Variants in PLB1 observed in about 807,000 individuals in gnomAD.
PLB1 encodes the protein phospholipase B1, membrane-associated.
A neutral mutation model predicts 227.4 loss-of-function variants in PLB1; 242 were observed. The observed-to-expected ratio is 1.06, with a 90% CI of 0.96 to 1.18. The LOEUF is 1.18. Ranked by LOEUF, PLB1 falls within the 50% of genes most tolerant of loss-of-function variation. The probability of loss-of-function intolerance (pLI) is 0.00; values close to 1 mark genes in which losing one functional copy is unlikely to be tolerated. For synonymous variants in PLB1, 757 were observed against 682.2 expected (o/e 1.11, Z -1.71); for missense variants, 1,858 against 1,816.3 (o/e 1.02, Z -0.42).
intron 23 of PLB1, among the ~76,000 whole-genome samples, chr2:28,581,843 C>A (rs531977832): frequency 7.5e-4 from 114 of 152,146 alleles, no homozygotes; most frequent in Middle Eastern, 6.8e-3. Flanking sequence ...CACCCATGGT[C>A]CCAGTTACTT....
In PLB1 at chr2:28,579,664, T is replaced by C. The variant is rs761007701; in HGVS notation, c.1523T>C (p.Leu508Pro). 1 of 1,613,502 alleles carries C rather than the reference T, an allele frequency of 6.2e-7. No homozygotes were observed. Among genetic ancestry groups the C allele is most frequent in the Admixed American group, 1.7e-5 (1 of 60,014 alleles). The change falls in exon 23 of 58, where the codon CTG becomes CCG. Residue 508 changes from leucine (L) to proline (P), a missense_variant. By Grantham distance (98) the Leu-to-Pro change is moderately conservative (BLOSUM62 -3). Coordinates refer to ENST00000327757, the MANE Select transcript of PLB1 (RefSeq NM_153021.5). Reference protein sequence around the residue: ...HFQEDWKIITLFIGGNDLCDF... With the variant: ...HFQEDWKIITPFIGGNDLCDF... ...CAGGAAGACTGGAAGATAATAACCC[T>C]GTTTATAGGCGGCAATGACCTCTGT...
chr2:28,562,540 C>CAAAAAAAAAAAAAAAAAAAAAAAAAA (rs60393903), intron 17 of PLB1, among the ~76,000 whole-genome samples: 5 of 42,606 alleles, frequency 1.2e-4, no homozygotes, highest in Admixed American at 3.5e-4. Flanking sequence ...GACTCTGTCT[C>CAAAAAAAAAAAAAAAAAAAAAAAAAA]AAAAAAAAAA....
At chr2:28,567,399 A>G (rs918803031) in intron 20 of PLB1, among the ~76,000 whole-genome samples, 1 of 151,426 alleles carries the variant, frequency 6.6e-6, no homozygotes, top group South Asian at 2.1e-4. Context: ...CTGTGCAGAC[A>G]CAGCCATTTT....
chr2:28,603,046 G>A (rs531689661), intron 39 of PLB1, 125 bp downstream of exon 39: 1 of 796,604 alleles, frequency 1.3e-6, no homozygotes, highest in South Asian at 1.7e-5. Flanking sequence ...CTGTAAAGGA[G>A]GACTTCTGCC....
intron 20 of PLB1, among the ~76,000 whole-genome samples, chr2:28,567,262 C>G (rs1573018720): frequency 6.6e-6 from 1 of 152,124 alleles, no homozygotes; most frequent in South Asian, 2.1e-4. Flanking sequence ...CAGCAGATCA[C>G]CCCCGCGAGA....
rs369874929 is a variant in PLB1 at position 28,603,954 on chromosome 2, C to A, written c.2775-12C>A. ...GAGCTCTGGGGCCTCCTGCCTCCCC[C>A]TCTTTGTGCAGCGTTTTGTGTAACT... On this transcript the variant is annotated splice_polypyrimidine_tract_variant and intron_variant, in intron 39 of 57. Coordinates refer to ENST00000327757, the MANE Select transcript of PLB1 (RefSeq NM_153021.5). 134 of 1,613,638 alleles carry A rather than the reference C, an allele frequency of 8.3e-5. No individual in the cohort carries two copies. The highest frequency in any genetic ancestry group is 1.7e-4 in the African/African-American group (13 of 74,934).
intron 6 of PLB1, among the ~76,000 whole-genome samples, chr2:28,528,794 A>G (rs1448381759): frequency 6.6e-6 from 1 of 152,054 alleles, no homozygotes; most frequent in Non-Finnish European, 1.5e-5. Flanking sequence ...TAGCTCCTTC[A>G]CTTCCAGAGG....
chr2:28,619,445 T>C (rs974264582), intron 46 of PLB1, among the ~76,000 whole-genome samples: 3 of 152,066 alleles, frequency 2.0e-5, no homozygotes, highest in Admixed American at 6.6e-5. Flanking sequence ...GCAGGATTCT[T>C]AAGGTAGGGG....
chr2:28,526,739 C>T (rs1670310915), intron 6 of PLB1, among the ~76,000 whole-genome samples: 1 of 152,166 alleles, frequency 6.6e-6, no homozygotes, highest in African/African-American at 2.4e-5. Context: ...TGAGCTGGTG[C>T]TCCATGGGAG....
intron 14 of PLB1, among the ~76,000 whole-genome samples, chr2:28,543,615 G>A (rs188767932): frequency 6.6e-6 from 1 of 152,330 alleles, no homozygotes; most frequent in East Asian, 1.9e-4. Flanking sequence ...TGTCCAGCCT[G>A]CCCTCACACT....
At chr2:28,510,219 A>C (rs770928577) in intron 1 of PLB1, among the ~76,000 whole-genome samples, 41 of 152,102 alleles carry the variant, frequency 2.7e-4, no homozygotes, top group Non-Finnish European at 5.0e-4. Context: ...TCCTCACGCA[A>C]CTCCATGGGG....
rs1677003596 is a variant in PLB1, at chr2:28,566,821, A to AC, written c.1308dup (p.Val437ArgfsTer29). The AC allele has an allele frequency of 1.2e-6, 2 of 1,613,820 alleles. No homozygotes were observed. Among genetic ancestry groups the AC allele is most frequent in the African/African-American group, 1.3e-5 (1 of 74,954 alleles). ...CGTCGGCGGAGATGAGAACATCGGC[A>AC]CCGTTACCACCCTGGCGAGTGAGTA... On this transcript the variant is annotated frameshift_variant, in exon 20 of 58. Transcript: ENST00000327757. LOFTEE classifies it high-confidence loss of function.
intron 51 of PLB1, among the ~76,000 whole-genome samples, chr2:28,627,000 G>A (rs1179307211): frequency 6.6e-6 from 1 of 152,206 alleles, no homozygotes; most frequent in African/African-American, 2.4e-5. Flanking sequence ...CAAACTTCTG[G>A]AAGTTGTAAC....
In PLB1 at chr2:28,543,289, G is replaced by T. The variant is rs1472998726; in HGVS notation, c.936+21G>T. On this transcript the variant is annotated intron_variant, in intron 14 of 57. Coordinates refer to ENST00000327757, the MANE Select transcript of PLB1 (RefSeq NM_153021.5). ...GGATGGTGAGTAGATGGGGCCTGGG[G>T]TGGGGCCCACAGAGGAGGGGCAAGG... 3.7e-6 allele frequency: 6 copies of T among 1,608,068 alleles called. No homozygotes were observed. In the African/African-American group the frequency reaches 8.0e-5, roughly 21 times the overall value.
intron 36 of PLB1, among the ~76,000 whole-genome samples, 157 bp from the exon 37 acceptor site, chr2:28,601,095 C>A (rs1288415539): frequency 1.3e-5 from 2 of 152,138 alleles, no homozygotes; most frequent in African/African-American, 4.8e-5. Context: ...AGTCTGTGGT[C>A]TATAAATAAA....
In PLB1 at chr2:28,524,509, T is replaced by C. The variant is rs539488641; in HGVS notation, c.244-758T>C. On this transcript the variant is annotated intron_variant, in intron 4 of 57. Coordinates refer to ENST00000327757, the MANE Select transcript of PLB1 (RefSeq NM_153021.5). ...GTTCCAAAAATATGGATTCAACATATATTTGTTAAATACTTACAACACACC... is the reference window on the plus strand; with the variant it reads ...GTTCCAAAAATATGGATTCAACATACATTTGTTAAATACTTACAACACACC... 7.6e-3 allele frequency among the ~76,000 whole-genome samples: 1,151 copies of C among 152,298 alleles called. 14 individuals are homozygous for C. The highest frequency in any genetic ancestry group is 0.026 in the African/African-American group (1,069 of 41,544).
At chr2:28,504,816 A>T (rs527543017) in intron 1 of PLB1, among the ~76,000 whole-genome samples, 1 of 152,254 alleles carries the variant, frequency 6.6e-6, no homozygotes, top group African/African-American at 2.4e-5. Flanking sequence ...TTAGTATCCA[A>T]AGTCTTTGTG....
At chr2:28,586,430 G>C (rs1680916967) in intron 26 of PLB1, among the ~76,000 whole-genome samples, 1 of 152,234 alleles carries the variant, frequency 6.6e-6, no homozygotes, top group Non-Finnish European at 1.5e-5. Flanking sequence ...TCTTTGACCA[G>C]AACAGCTGAC....
intron 17 of PLB1, among the ~76,000 whole-genome samples, chr2:28,557,981 G>A (rs1675397826): frequency 6.6e-6 from 1 of 152,160 alleles, no homozygotes; most frequent in African/African-American, 2.4e-5. Context: ...GTTTATTACT[G>A]TATCTCTTGC....
Sources: allele counts gnomAD v4.1 joint callset (sites outside exome capture counted in the v4.1 genomes callset), GRCh38; gene constraint gnomAD v4.1.1; transcripts MANE v1.5; gene names NCBI Gene and HGNC (gene_info 2026-07-23, HGNC 2026-07-21).